Variants in DPP4 observed in about 807,000 individuals in gnomAD.
DPP4 encodes ADCP-2.
Under a neutral mutation model 122.4 loss-of-function variants are expected in DPP4, and 93 were observed. The ratio of observed to expected loss-of-function variants is 0.76; its 90% confidence interval spans 0.64 to 0.90. DPP4 has a LOEUF of 0.90. Ranked by LOEUF, DPP4 falls within the 40% of genes least tolerant of loss-of-function variation. The pLI, the probability that DPP4 is intolerant of heterozygous loss-of-function variation, is 0.00. For missense variants in DPP4, 914 were observed against 907.3 expected, an observed-to-expected ratio of 1.01 and a Z score of -0.09; for synonymous variants, 321 against 302.9, an observed-to-expected ratio of 1.06 and a Z score of -0.62.
rs2106064546 is a variant in DPP4, at chr2:161,993,290, A to C, written c.2294T>G (p.Leu765Ter). ...GCATGGTATTTTGAGGTGCTAAGGTAAAGAGAAACATTGTTTTATGAAGTG... is the reference window on the plus strand; with the variant it reads ...GCATGGTATTTTGAGGTGCTAAGGTCAAGAGAAACATTGTTTTATGAAGTG... ...MSHFIKQCFS[L>*]P The change falls in exon 26 of 26, where the codon TTA (leucine) becomes TGA (stop). Residue 765 changes from leucine (L) to a stop codon, truncating the protein, a stop_gained. Coordinates refer to ENST00000360534, the MANE Select transcript of DPP4 (RefSeq NM_001935.4). LOFTEE classifies it high-confidence loss of function. 1.2e-6 allele frequency: 2 copies of C among 1,610,718 alleles called. No individual in the cohort carries two copies. The highest frequency in any genetic ancestry group is 3.3e-4 in the Middle Eastern group (2 of 6,060).
At chr2:162,066,344 AC>A (rs1684947438) in intron 2 of DPP4, among the ~76,000 whole-genome samples, 2 of 151,956 alleles carry the variant, frequency 1.3e-5, no homozygotes, top group South Asian at 4.2e-4. Context: ...CCAACCCCAA[AC>A]TACTATCCAC....
At chr2:162,071,290 T>C (rs1276753537) in intron 2 of DPP4, among the ~76,000 whole-genome samples, 1 of 152,192 alleles carries the variant, frequency 6.6e-6, no homozygotes, top group Non-Finnish European at 1.5e-5. Flanking sequence ...TTCTGGAATA[T>C]CTTATCTCCA....
At chr2:162,063,936 G>A (rs1300505251) in intron 2 of DPP4, among the ~76,000 whole-genome samples, 1 of 152,114 alleles carries the variant, frequency 6.6e-6, no homozygotes, top group Non-Finnish European at 1.5e-5. Context: ...GGGACAGCTG[G>A]AGCCTAATCT....
intron 11 of DPP4, 109 bp downstream of exon 11, chr2:162,024,695 A>G (rs1190964131): frequency 5.0e-6 from 7 of 1,400,780 alleles, no homozygotes; most frequent in Middle Eastern, 1.9e-4. Context: ...GTCAGAAAGA[A>G]GAGAAACTCA....
In DPP4 at chr2:162,042,772, C is replaced by T. The variant is rs147933438; in HGVS notation, c.366+2760G>A. Among the ~76,000 whole-genome samples, 1,439 of 152,288 alleles carry T rather than the reference C, an allele frequency of 9.4e-3. 19 individuals are homozygous for T. The highest frequency in any genetic ancestry group is 0.03 in the South Asian group (143 of 4,822). On this transcript the variant is annotated intron_variant, in intron 5 of 25. Coordinates refer to ENST00000360534, the MANE Select transcript of DPP4 (RefSeq NM_001935.4). ...CCCTGTCCTAGGCACAGAGGTGTGG[C>T]AGTGAATAAATCACAGGGAAACTGG...
chr2:161,995,214 G>T, intron 24 of DPP4, 86 bp downstream of exon 24: 2 of 1,378,866 alleles, frequency 1.5e-6, no homozygotes, highest in Non-Finnish European at 2.1e-6. Context: ...AAATGTAACA[G>T]TCTTGCCCCT....
chr2:162,027,760 A>G (rs1281541131), intron 10 of DPP4, among the ~76,000 whole-genome samples: 2 of 152,184 alleles, frequency 1.3e-5, no homozygotes, highest in Non-Finnish European at 2.9e-5. Flanking sequence ...GCAATATAAA[A>G]GCAACCTTTC....
intron 2 of DPP4, among the ~76,000 whole-genome samples, chr2:162,070,387 T>C (rs1055777792): frequency 4.6e-5 from 7 of 152,180 alleles, no homozygotes; most frequent in Admixed American, 4.6e-4. Context: ...AAAGTAAGCA[T>C]TTCACATGGA....
intron 2 of DPP4, among the ~76,000 whole-genome samples, chr2:162,056,607 A>G (rs1004372439): frequency 2.0e-5 from 3 of 152,212 alleles, no homozygotes; most frequent in South Asian, 4.1e-4. Context: ...GTGCAGGCCA[A>G]GCAAACTATG....
chr2:162,028,679 T>C (rs1479095472), intron 10 of DPP4, among the ~76,000 whole-genome samples: 2 of 152,222 alleles, frequency 1.3e-5, no homozygotes, highest in Non-Finnish European at 2.9e-5. Context: ...TTGATTTTAA[T>C]ACTAAAATGA....
At chr2:162,044,746 C>T (rs191387752) in intron 5 of DPP4, among the ~76,000 whole-genome samples, 1 of 152,026 alleles carries the variant, frequency 6.6e-6, no homozygotes, top group Non-Finnish European at 1.5e-5. Context: ...TAAGCTGTAA[C>T]CTTTCCTGAA....
chr2:162,035,415 T>A, intron 8 of DPP4, 91 bp from the exon 9 acceptor site: 3 of 1,190,374 alleles, frequency 2.5e-6, no homozygotes, highest in Non-Finnish European at 3.5e-6. Flanking sequence ...CTTTAGTAAT[T>A]ACAGTAGAGT....
intron 2 of DPP4, among the ~76,000 whole-genome samples, chr2:162,053,946 C>A (rs1684473315): frequency 6.6e-6 from 1 of 152,006 alleles, no homozygotes; most frequent in African/African-American, 2.4e-5. Context: ...CACCAGCATG[C>A]AATGTCAGCC....
intron 2 of DPP4, among the ~76,000 whole-genome samples, chr2:162,068,424 C>G (rs1415149951): frequency 6.6e-6 from 1 of 152,168 alleles, no homozygotes; most frequent in African/African-American, 2.4e-5. Flanking sequence ...GAACTTTGAG[C>G]AAGTTCCTTA....
intron 2 of DPP4, among the ~76,000 whole-genome samples, chr2:162,065,472 T>C (rs946412173): frequency 7.2e-5 from 11 of 152,222 alleles, no homozygotes; most frequent in African/African-American, 2.7e-4. Context: ...CAAGAACCAC[T>C]TTACTTCTGC....
chr2:162,072,838 C>A (rs955130549), intron 2 of DPP4, among the ~76,000 whole-genome samples: 4 of 152,162 alleles, frequency 2.6e-5, no homozygotes, highest in East Asian at 1.9e-4. Flanking sequence ...TTTAGCTCTG[C>A]AATACTGCTA....
chr2:162,040,585 G>A (rs1683948756), intron 5 of DPP4, among the ~76,000 whole-genome samples: 1 of 151,690 alleles, frequency 6.6e-6, no homozygotes, highest in Non-Finnish European at 1.5e-5. Flanking sequence ...GGAAACACAG[G>A]GATTTTTAGC....
rs1700893901 is a variant in DPP4, at chr2:161,992,675, G to A, written c.*608C>T. 1 of 152,814 alleles carries A rather than the reference G, an allele frequency of 6.5e-6. No homozygotes were observed. The highest frequency in any genetic ancestry group is 1.9e-4 in the East Asian group (1 of 5,186). 9.5% of individuals were successfully genotyped at this position (152,814 alleles called of 1,614,324 possible). A position where few individuals can be genotyped will look rare whatever the true frequency, so the allele number is the denominator to read the frequency against. ...TTTCTTTGGAGTCTTTTCAACTGCT[G>A]TGGTTTTACTTAGAAGTCAGTGCTT... On this transcript the variant is annotated 3_prime_UTR_variant, in exon 26 of 26. Coordinates refer to ENST00000360534, the MANE Select transcript of DPP4 (RefSeq NM_001935.4).
At position 162,045,721 on chromosome 2, in the gene DPP4, G is replaced by A. The variant is rs1576062242; in HGVS notation, c.286-109C>T. ...TCTAGACATGTGGCTTGTGCTTTGG[G>A]AAGTCCTAATCTAGCAGAGGTGGCA... On this transcript the variant is annotated intron_variant, in intron 4 of 25. Coordinates refer to ENST00000360534, the MANE Select transcript of DPP4 (RefSeq NM_001935.4). 6.6e-6 allele frequency: 5 copies of A among 760,418 alleles called. No individual in the cohort carries two copies. In the Admixed American group the frequency reaches 9.6e-5, roughly 15 times the overall value. The allele number at this position is 760,418 out of a possible 1,614,324, so 47.1% of individuals were successfully genotyped here. A position where few individuals can be genotyped will look rare whatever the true frequency, so the allele number is the denominator to read the frequency against.
Sources: allele counts gnomAD v4.1 joint callset (sites outside exome capture counted in the v4.1 genomes callset), GRCh38; gene constraint gnomAD v4.1.1; transcripts MANE v1.5; gene names NCBI Gene and HGNC (gene_info 2026-07-23, HGNC 2026-07-21).